SHB: variants seen among roughly 807,000 people sequenced by gnomAD.
SHB encodes SH2 domain-containing adapter protein B.
In SHB, 20 loss-of-function variants were observed where a neutral mutation model predicts 52.3. The observed-to-expected ratio is 0.38, with a 90% CI of 0.27 to 0.56. The LOEUF is 0.56. SHB is among the 20% of genes least tolerant of loss of function. The pLI is 0.71. For synonymous variants in SHB, 397 were observed against 316.5 expected, an observed-to-expected ratio of 1.25 and a Z score of -2.70; for missense variants, 825 against 723.3, an observed-to-expected ratio of 1.14 and a Z score of -1.61.
chr9:37,968,562 A>T (rs1251570428), intron 3 of SHB, among the ~76,000 whole-genome samples: 1 of 152,218 alleles, frequency 6.6e-6, no homozygotes, highest in African/African-American at 2.4e-5. Flanking sequence ...TGGCTGAGCC[A>T]AGGACACTGC....
intron 2 of SHB, among the ~76,000 whole-genome samples, chr9:37,997,932 C>T (rs760134981): frequency 6.6e-6 from 1 of 152,320 alleles, no homozygotes; most frequent in Non-Finnish European, 1.5e-5. Flanking sequence ...GGGCAGAGGG[C>T]CCTGGGATGG....
intron 5 of SHB, among the ~76,000 whole-genome samples, chr9:37,925,989 A>G (rs904175875): frequency 6.6e-6 from 1 of 152,050 alleles, no homozygotes; most frequent in Non-Finnish European, 1.5e-5. Context: ...TGGCATGGGG[A>G]AGGGCCCTTC....
In SHB at chr9:37,990,174, C is replaced by T. The variant is rs114147639; in HGVS notation, c.839-15337G>A. Among the ~76,000 whole-genome samples, 915 of 151,148 alleles carry T rather than the reference C, an allele frequency of 6.1e-3. 12 individuals are homozygous for T. Among genetic ancestry groups the T allele is most frequent in the African/African-American group, 0.021 (877 of 41,014 alleles). ...AATGGAGTCCCCTCTAGGTGCCCTG[C>T]TGACATGCTGCTGCTCCAGCTTCAA... On this transcript the variant is annotated intron_variant, in intron 2 of 5. Transcript: ENST00000377707.
Position 37,973,050 on chromosome 9 carries a change from T to C in SHB, c.1054+1572A>G, listed in dbSNP as rs537540686. On this transcript the variant is annotated intron_variant, in intron 3 of 5. Transcript: ENST00000377707. The stretch of plus-strand genomic sequence containing the variant: ...GTTTGGCATCTGGCTTTTCATCTCT[T>C]AACATTAGACATAAGCATTTCTCTA... Among the ~76,000 whole-genome samples the C allele has an allele frequency of 1.6e-4, 25 of 152,330 alleles. No individual in the cohort carries two copies. In the South Asian group the frequency reaches 5.0e-3, roughly 30 times the overall value.
At chr9:37,937,857 C>T (rs1832391415) in intron 5 of SHB, among the ~76,000 whole-genome samples, 1 of 152,126 alleles carries the variant, frequency 6.6e-6, no homozygotes, top group Non-Finnish European at 1.5e-5. Flanking sequence ...CAGCAGCCTT[C>T]CAGAGGACCT....
chr9:37,957,298 C>A (rs1408611474), intron 3 of SHB, among the ~76,000 whole-genome samples: 2 of 152,196 alleles, frequency 1.3e-5, no homozygotes, highest in Non-Finnish European at 2.9e-5. Context: ...GCCAGACACA[C>A]GAAAATCAAC....
At chr9:38,062,522 C>T (rs1391680619) in intron 1 of SHB, among the ~76,000 whole-genome samples, 2 of 152,138 alleles carry the variant, frequency 1.3e-5, no homozygotes, top group African/African-American at 4.8e-5. Flanking sequence ...TTTCTTGGAA[C>T]CCTGCTGCCG....
intron 2 of SHB, among the ~76,000 whole-genome samples, chr9:37,993,416 A>C (rs914016608): frequency 6.6e-6 from 1 of 152,176 alleles, no homozygotes; most frequent in African/African-American, 2.4e-5. Flanking sequence ...AGAAAATATA[A>C]AGTTCCCAGG....
chr9:37,958,219 G>A (rs1262671626), intron 3 of SHB, among the ~76,000 whole-genome samples: 2 of 149,788 alleles, frequency 1.3e-5, no homozygotes, highest in African/African-American at 2.4e-5. Flanking sequence ...GGAGGGCAGC[G>A]AGGCAGTGCC....
chr9:37,969,044 T>C (rs376479664), intron 3 of SHB, among the ~76,000 whole-genome samples: 1 of 152,230 alleles, frequency 6.6e-6, no homozygotes, highest in Admixed American at 6.5e-5. Flanking sequence ...TGGATCCATT[T>C]CAGGTGGGAA....
intron 3 of SHB, 83 bp from the exon 4 acceptor site, chr9:37,956,137 T>C (rs1832630197): frequency 7.8e-7 from 1 of 1,279,694 alleles, no homozygotes; most frequent in East Asian, 2.6e-5. Context: ...AACGTTCAGC[T>C]GGTCTAGTTG....
intron 5 of SHB, among the ~76,000 whole-genome samples, chr9:37,946,642 G>C (rs1016615281): frequency 6.6e-6 from 1 of 152,220 alleles, no homozygotes; most frequent in Non-Finnish European, 1.5e-5. Context: ...AGAAGAACAG[G>C]AAGCTGGAGC....
intron 3 of SHB, among the ~76,000 whole-genome samples, chr9:37,969,233 G>A (rs1820565683): frequency 6.6e-6 from 1 of 152,202 alleles, no homozygotes; most frequent in Non-Finnish European, 1.5e-5. Flanking sequence ...CCAGACATTT[G>A]ACTGGGTTAG....
intron 1 of SHB, among the ~76,000 whole-genome samples, chr9:38,053,651 G>C (rs1459801520): frequency 6.6e-6 from 1 of 151,992 alleles, no homozygotes; most frequent in East Asian, 1.9e-4. Flanking sequence ...TTAACCGTAA[G>C]CAGACCCACC....
intron 5 of SHB, among the ~76,000 whole-genome samples, chr9:37,940,067 G>T (rs527898742): frequency 6.6e-6 from 1 of 152,162 alleles, no homozygotes; most frequent in Non-Finnish European, 1.5e-5. Flanking sequence ...GCAAATCATG[G>T]TGACTAGTTT....
intron 5 of SHB, among the ~76,000 whole-genome samples, chr9:37,936,998 T>A (rs943706378): frequency 1.3e-5 from 2 of 152,196 alleles, no homozygotes; most frequent in Non-Finnish European, 2.9e-5. Flanking sequence ...CTCAAACATC[T>A]TAACATCTGA....
intron 1 of SHB, among the ~76,000 whole-genome samples, chr9:38,031,321 C>CA (rs960084007): frequency 9.9e-5 from 15 of 151,680 alleles, no homozygotes; most frequent in Admixed American, 7.9e-4. Context: ...GACTATGTCT[C>CA]AAAAAACAAA....
intron 3 of SHB, among the ~76,000 whole-genome samples, chr9:37,966,544 G>C (rs143822022): frequency 3.9e-5 from 6 of 152,292 alleles, no homozygotes; most frequent in Non-Finnish European, 7.4e-5. Flanking sequence ...GGGCAGACCT[G>C]CTGTTCACAG....
At chr9:37,977,725 T>C (rs1339339819) in intron 2 of SHB, among the ~76,000 whole-genome samples, 1 of 152,232 alleles carries the variant, frequency 6.6e-6, no homozygotes, top group Non-Finnish European at 1.5e-5. Flanking sequence ...TGTATTCGTC[T>C]TCCTCCGTTC....
Sources: allele counts gnomAD v4.1 joint callset (sites outside exome capture counted in the v4.1 genomes callset), GRCh38; gene constraint gnomAD v4.1.1; transcripts MANE v1.5; gene names NCBI Gene and HGNC (gene_info 2026-07-23, HGNC 2026-07-21).